The following SUPT3H variants were observed in gnomAD, a reference collection of about 807,000 sequenced individuals.
The protein encoded by SUPT3H is SPT3 homolog, SAGA and STAGA complex component.
SUPT3H carries 44 observed loss-of-function variants against 44.3 expected under a neutral mutation model. The observed-to-expected ratio is 0.99, with a 90% CI of 0.78 to 1.28. The LOEUF (loss-of-function observed/expected upper bound fraction) is 1.28. SUPT3H is among the 50% of genes most tolerant of loss of function. The pLI is 0.00. For synonymous variants in SUPT3H, 124 were observed against 125.6 expected, an observed-to-expected ratio of 0.99 and a Z score of 0.09; for missense variants, 380 against 387.1, an observed-to-expected ratio of 0.98 and a Z score of 0.15.
intron 11 of SUPT3H, among the ~76,000 whole-genome samples, chr6:44,814,861 G>T (rs915097948): frequency 5.9e-5 from 9 of 152,126 alleles, no homozygotes; most frequent in Non-Finnish European, 1.2e-4. Context: ...ATTTTTAGTA[G>T]AGATGGGGTT....
At chr6:45,049,237 C>T (rs1029838977) in intron 3 of SUPT3H, among the ~76,000 whole-genome samples, 5 of 152,098 alleles carry the variant, frequency 3.3e-5, no homozygotes, top group Admixed American at 1.3e-4. Flanking sequence ...GTTCAGCCAC[C>T]GATCTGCTTC....
chr6:45,201,932 A>C (rs1339248771), intron 2 of SUPT3H, among the ~76,000 whole-genome samples: 1 of 151,916 alleles, frequency 6.6e-6, no homozygotes, highest in Non-Finnish European at 1.5e-5. Context: ...TAAAATGTAC[A>C]TTTTCAAATT....
chr6:44,865,583 T>G (rs1027905744), intron 10 of SUPT3H, among the ~76,000 whole-genome samples: 1 of 152,170 alleles, frequency 6.6e-6, no homozygotes, highest in Non-Finnish European at 1.5e-5. Flanking sequence ...GAGCACCAAA[T>G]GAAACAGGTT....
intron 10 of SUPT3H, among the ~76,000 whole-genome samples, chr6:44,836,695 CCAAGT>C (rs1467793826): frequency 6.6e-6 from 1 of 152,020 alleles, no homozygotes; most frequent in Non-Finnish European, 1.5e-5. Context: ...TCATAATTGC[CCAAGT>C]CATTTCAAAT....
intron 3 of SUPT3H, among the ~76,000 whole-genome samples, chr6:45,068,947 C>G (rs1005681697): frequency 4.2e-5 from 6 of 142,788 alleles, no homozygotes; most frequent in Non-Finnish European, 6.2e-5. Context: ...TATTAAAAAA[C>G]AAAATGCTTG....
chr6:44,897,172 C>T (rs1447527254), intron 10 of SUPT3H, among the ~76,000 whole-genome samples: 2 of 152,148 alleles, frequency 1.3e-5, no homozygotes, highest in Admixed American at 6.5e-5. Context: ...TTGGGCTAGA[C>T]ATTGAGAATG....
intron 2 of SUPT3H, among the ~76,000 whole-genome samples, chr6:45,123,309 C>A (rs940363169): frequency 4.0e-5 from 6 of 151,650 alleles, no homozygotes; most frequent in South Asian, 2.1e-4. Flanking sequence ...AATTAAAATT[C>A]TACTATGACA....
At chr6:44,990,314 G>A (rs981522558) in intron 6 of SUPT3H, among the ~76,000 whole-genome samples, 9 of 151,942 alleles carry the variant, frequency 5.9e-5, no homozygotes, top group African/African-American at 2.2e-4. Flanking sequence ...TTATTTCTGG[G>A]CTTTCTGTTC....
chr6:45,360,804 G>A (rs1288770208), intron 2 of SUPT3H, among the ~76,000 whole-genome samples: 1 of 152,164 alleles, frequency 6.6e-6, no homozygotes, highest in East Asian at 1.9e-4. Flanking sequence ...GAAGCGGGCA[G>A]AACTACAGAC....
intron 1 of SUPT3H, among the ~76,000 whole-genome samples, chr6:45,367,671 A>C (rs1795376295): frequency 6.6e-6 from 1 of 152,188 alleles, no homozygotes. Flanking sequence ...CAGCCTCCAG[A>C]AAGTTATGAT....
intron 10 of SUPT3H, among the ~76,000 whole-genome samples, chr6:44,893,587 T>TG (rs1443025147): frequency 3.9e-5 from 6 of 152,234 alleles, no homozygotes; most frequent in Admixed American, 6.5e-5. Flanking sequence ...TTCCATGGTA[T>TG]ATATGTGCCA....
At chr6:45,114,968 G>A (rs1800625321) in intron 2 of SUPT3H, among the ~76,000 whole-genome samples, 1 of 152,046 alleles carries the variant, frequency 6.6e-6, no homozygotes, top group Non-Finnish European at 1.5e-5. Flanking sequence ...ACAACAACAC[G>A]CTAAATGAAC....
At chr6:44,849,811 T>C (rs1312258351) in intron 10 of SUPT3H, among the ~76,000 whole-genome samples, 1 of 152,240 alleles carries the variant, frequency 6.6e-6, no homozygotes, top group African/African-American at 2.4e-5. Context: ...AGGATAGCTA[T>C]TCCAGCAGAT....
intron 2 of SUPT3H, among the ~76,000 whole-genome samples, chr6:45,274,013 T>C (rs530422490): frequency 6.6e-6 from 1 of 152,358 alleles, no homozygotes; most frequent in African/African-American, 2.4e-5. Flanking sequence ...GGGTGTGAAG[T>C]AGTCATCATT....
intron 2 of SUPT3H, among the ~76,000 whole-genome samples, chr6:45,236,020 C>T (rs1231820845): frequency 4.6e-5 from 7 of 152,090 alleles, no homozygotes; most frequent in Admixed American, 2.6e-4. Context: ...CCTTTTTTCC[C>T]GTAAGGAATA....
At chr6:45,059,236 AC>A (rs1483050114) in intron 3 of SUPT3H, among the ~76,000 whole-genome samples, 2 of 152,156 alleles carry the variant, frequency 1.3e-5, no homozygotes, top group Non-Finnish European at 2.9e-5. Context: ...AAGCTTATCC[AC>A]CATGATCAAG....
chr6:45,265,603 T>A (rs1037989959), intron 2 of SUPT3H, among the ~76,000 whole-genome samples: 2 of 152,260 alleles, frequency 1.3e-5, no homozygotes, highest in Admixed American at 1.3e-4. Context: ...TAAAATCTAG[T>A]ACTTTTGAAA....
At chr6:44,871,038 G>A (rs1305499322) in intron 10 of SUPT3H, among the ~76,000 whole-genome samples, 2 of 149,760 alleles carry the variant, frequency 1.3e-5, no homozygotes, top group Non-Finnish European at 3.0e-5. Context: ...AGCAGTCTGA[G>A]ATCAAACTGC....
intron 2 of SUPT3H, among the ~76,000 whole-genome samples, chr6:45,271,418 A>G (rs1317892804): frequency 1.3e-5 from 2 of 152,158 alleles, no homozygotes; most frequent in Non-Finnish European, 2.9e-5. Context: ...AGACATGACT[A>G]AAAGAGGCCA....
Sources: allele counts gnomAD v4.1 joint callset (sites outside exome capture counted in the v4.1 genomes callset), GRCh38; gene constraint gnomAD v4.1.1; transcripts MANE v1.5; gene names NCBI Gene and HGNC (gene_info 2026-07-23, HGNC 2026-07-21).